The following SEC16B variants were observed in gnomAD, a reference collection of about 807,000 sequenced individuals.
SEC16B encodes the protein SEC16 homolog B, endoplasmic reticulum export factor.
A neutral mutation model predicts 141.8 loss-of-function variants in SEC16B; 115 were observed. The ratio of observed to expected loss-of-function variants is 0.81; its 90% confidence interval spans 0.70 to 0.95. The LOEUF (loss-of-function observed/expected upper bound fraction) is 0.95, where lower values mean the gene tolerates loss of function less well. Ranked by LOEUF, SEC16B falls within the 40% of genes least tolerant of loss-of-function variation. The pLI is 0.00. For missense variants in SEC16B, 1,291 were observed against 1,312.3 expected, an observed-to-expected ratio of 0.98 and a Z score of 0.25; for synonymous variants, 493 against 492.5, an observed-to-expected ratio of 1.00 and a Z score of -0.01.
At chr1:177,944,704 T>G (rs1251703705) in intron 14 of SEC16B, 38 bp from the exon 15 acceptor site, 1 of 1,550,010 alleles carries the variant, frequency 6.5e-7, no homozygotes, top group East Asian at 2.3e-5. Flanking sequence ...GATTGAGGTG[T>G]GGGGGACGCA....
chr1:177,978,615 G>A (rs530016815), intron 1 of SEC16B, among the ~76,000 whole-genome samples: 12 of 151,982 alleles, frequency 7.9e-5, no homozygotes, highest in African/African-American at 2.2e-4. Context: ...TTGGTGGAAG[G>A]ATCACTTGAG....
intron 18 of SEC16B, among the ~76,000 whole-genome samples, chr1:177,938,062 T>C (rs758056074): frequency 6.6e-6 from 1 of 152,024 alleles, no homozygotes; most frequent in Non-Finnish European, 1.5e-5. Context: ...GGCCACAAGG[T>C]TTTTTTTCTC....
intron 21 of SEC16B, 26 bp from the exon 22 acceptor site, chr1:177,933,338 G>T: frequency 6.3e-7 from 1 of 1,577,904 alleles, no homozygotes; most frequent in Non-Finnish European, 8.6e-7. Context: ...GACATTTTAT[G>T]ACCTGCAGGT....
In SEC16B at chr1:177,954,300, G is replaced by A. The variant is rs868139641; in HGVS notation, c.1442C>T (p.Thr481Ile). The change falls in exon 11 of 26, where the codon ACC (threonine) becomes ATC (isoleucine). Residue 481 changes from threonine to isoleucine, a missense_variant. By Grantham distance (89) the Thr-to-Ile change is moderately conservative. Coordinates refer to ENST00000308284, the MANE Select transcript of SEC16B (RefSeq NM_033127.4). Reference protein sequence around the residue: ...LFLSSKMDPQTYSWVMSGFTS... With the variant: ...LFLSSKMDPQIYSWVMSGFTS... ...TCACCCACTCATGACCCAGCTGTAG[G>A]TCTGTGGGTCCATCTTGCTGGACAG... is the stretch of plus-strand genomic sequence containing the variant. The A allele has an allele frequency of 6.4e-7, 1 of 1,567,908 alleles. No homozygotes were observed. Among genetic ancestry groups the A allele is most frequent in the African/African-American group, 1.4e-5 (1 of 73,830 alleles).
chr1:177,937,367 G>A lies in SEC16B; in HGVS notation c.2350C>T (p.Pro784Ser). Residue 784 changes from proline (P) to serine (S), a missense_variant, in exon 19 of 26, where the codon CCA becomes TCA. By Grantham distance (74) the Pro-to-Ser change is moderately conservative (BLOSUM62 -1). This residue lies in a region of SEC16B where 605 missense variants were observed against 614.1 expected (regional missense o/e 0.99). Transcript: ENST00000308284. Reference sequence around the variant, plus strand: ...GTCTGCCCTGCACCCCCTCCTGCTGGGTAGGAGCCCGGCTGGAGGGGAAAG... The same window carrying A: ...GTCTGCCCTGCACCCCCTCCTGCTGAGTAGGAGCCCGGCTGGAGGGGAAAG... ...QPFPLQPGSYPAGGGAGQTGT... is the reference protein window; with the variant it reads ...QPFPLQPGSYSAGGGAGQTGT... 6.2e-7 allele frequency: 1 copy of A among 1,613,352 alleles called. No homozygotes were observed.
chr1:177,941,811 G>C, intron 16 of SEC16B, 89 bp downstream of exon 16: 6 of 1,432,554 alleles, frequency 4.2e-6, no homozygotes, highest in African/African-American at 1.4e-5. Context: ...GTTCAAAGAA[G>C]ATGAAATGTA....
rs1653692838 is a variant in SEC16B, at chr1:177,968,022, T to C, written c.-41A>G. 2 of 1,535,862 alleles carry C rather than the reference T, an allele frequency of 1.3e-6. No homozygotes were observed. The highest frequency in any genetic ancestry group is 2.0e-5 in the Admixed American group (1 of 49,414). ...TTTGTCCTGGGTTTTGAGTAAGTTG[T>C]GCAGTTATTTTATCTTCCTGCAGAC... On this transcript the variant is annotated 5_prime_UTR_variant, in exon 2 of 26. Coordinates refer to ENST00000308284, the MANE Select transcript of SEC16B (RefSeq NM_033127.4).
chr1:177,958,993 AG>A lies in SEC16B; in HGVS notation c.999-19del, dbSNP rs1264555741. On this transcript the variant is annotated intron_variant, in intron 8 of 25. Transcript: ENST00000308284. ...CATCTTCCCTACATGGAAAAAATTT[AG>A]GGAGCAAAGAGTGAGCAGGCAGACA... The A allele has an allele frequency of 1.2e-6, 2 of 1,608,158 alleles. No homozygotes were observed. Among genetic ancestry groups the A allele is most frequent in the Non-Finnish European group, 8.5e-7 (1 of 1,177,504 alleles).
intron 11 of SEC16B, 57 bp downstream of exon 11, chr1:177,954,222 C>A (rs571371351): frequency 9.1e-6 from 12 of 1,315,202 alleles, no homozygotes; most frequent in Non-Finnish European, 1.3e-5. Context: ...TCATCCTCCA[C>A]CTTTGGTGAG....
intron 16 of SEC16B, among the ~76,000 whole-genome samples, 156 bp downstream of exon 16, chr1:177,941,744 C>T (rs756344618): frequency 6.6e-5 from 10 of 152,178 alleles, no homozygotes; most frequent in African/African-American, 2.2e-4. Flanking sequence ...CTCTGCTTAT[C>T]GCATCTGGGC....
At chr1:177,955,923 A>T (rs866860187) in intron 10 of SEC16B, among the ~76,000 whole-genome samples, 3 of 152,236 alleles carry the variant, frequency 2.0e-5, no homozygotes, top group Middle Eastern at 3.2e-3. Context: ...TCTTAATGTC[A>T]AGCTATAGGG....
At chr1:177,937,592 G>A in intron 18 of SEC16B, 79 bp from the exon 19 acceptor site, 1 of 1,241,092 alleles carries the variant, frequency 8.1e-7, no homozygotes, top group Non-Finnish European at 1.1e-6. Context: ...AAACATTCCT[G>A]CTTATGTCTT....
At chr1:177,980,492 G>T (rs746389942) in intron 1 of SEC16B, among the ~76,000 whole-genome samples, 13 of 152,088 alleles carry the variant, frequency 8.5e-5, no homozygotes, top group Non-Finnish European at 1.6e-4. Flanking sequence ...TAATAACCAA[G>T]AAACAGGTGG....
At chr1:177,933,411 A>T (rs1380377117) in intron 21 of SEC16B, 73 bp downstream of exon 21, 1 of 1,574,538 alleles carries the variant, frequency 6.4e-7, no homozygotes, top group East Asian at 2.3e-5. Context: ...CCAGACTTCC[A>T]AGTCTGCACC....
At chr1:177,965,313 A>C in intron 3 of SEC16B, 146 bp from the exon 4 acceptor site, 2 of 983,994 alleles carry the variant, frequency 2.0e-6, no homozygotes, top group Non-Finnish European at 2.9e-6. Flanking sequence ...GATAGGTGAG[A>C]GCTAATAAAG....
intron 5 of SEC16B, among the ~76,000 whole-genome samples, chr1:177,962,879 G>A (rs1653187378): frequency 6.6e-6 from 1 of 152,124 alleles, no homozygotes; most frequent in African/African-American, 2.4e-5. Context: ...GGCCGACGCA[G>A]GAGGATCACC....
chr1:177,956,323 A>T (rs767201031), intron 10 of SEC16B, among the ~76,000 whole-genome samples: 1 of 152,198 alleles, frequency 6.6e-6, no homozygotes, highest in African/African-American at 2.4e-5. Context: ...TACATTTTAC[A>T]TTTTTTACAT....
chr1:177,957,066 G>T (rs1652665947), intron 10 of SEC16B, among the ~76,000 whole-genome samples: 1 of 152,118 alleles, frequency 6.6e-6, no homozygotes, highest in African/African-American at 2.4e-5. Flanking sequence ...AGCAGCAGGA[G>T]TATTTGTAAA....
chr1:177,982,563 C>G (rs1054824105), intron 1 of SEC16B, among the ~76,000 whole-genome samples: 16 of 152,184 alleles, frequency 1.1e-4, no homozygotes, highest in African/African-American at 3.6e-4. Flanking sequence ...TGGATTTGAT[C>G]CATCATTCTA....
Sources: allele counts gnomAD v4.1 joint callset (sites outside exome capture counted in the v4.1 genomes callset), GRCh38; gene constraint gnomAD v4.1.1; regional missense constraint gnomAD v4.1.1; transcripts MANE v1.5; gene names NCBI Gene and HGNC (gene_info 2026-07-23, HGNC 2026-07-21).